Variants in TARS3 observed in about 807,000 individuals in gnomAD.
TARS3 encodes the protein threonyl-tRNA synthetase 3.
TARS3 carries 94 observed loss-of-function variants against 103.5 expected under a neutral mutation model. The observed-to-expected ratio is 0.91, with a 90% CI of 0.77 to 1.08. The LOEUF (loss-of-function observed/expected upper bound fraction) is 1.08. TARS3 is among the 50% of genes least tolerant of loss of function. The pLI is 0.00. For synonymous variants in TARS3, 416 were observed against 355.4 expected (o/e 1.17, Z -1.92); for missense variants, 952 against 995.2 (o/e 0.96, Z 0.58).
chr15:101,699,426 T>C, intron 10 of TARS3: 1 of 456,058 alleles, frequency 2.2e-6, no homozygotes, highest in Non-Finnish European at 4.4e-6. Flanking sequence ...CAGCCACATC[T>C]GTCTTGCATC....
intron 3 of TARS3, among the ~76,000 whole-genome samples, chr15:101,719,316 A>T: frequency 6.6e-6 from 1 of 152,210 alleles, no homozygotes; most frequent in Non-Finnish European, 1.5e-5. Context: ...GCTAGAATAC[A>T]AGTGGTCAGC....
intron 10 of TARS3, among the ~76,000 whole-genome samples, chr15:101,690,083 G>A (rs1170616442): frequency 3.9e-5 from 6 of 152,298 alleles, no homozygotes; most frequent in South Asian, 4.1e-4. Context: ...TCGGCTGATC[G>A]GAGTTTGTGG....
chr15:101,671,998 T>C (rs546180513), intron 13 of TARS3, among the ~76,000 whole-genome samples: 1 of 152,298 alleles, frequency 6.6e-6, no homozygotes, highest in African/African-American at 2.4e-5. Flanking sequence ...TTCCAGTGAA[T>C]TCCAGGTAAG....
intron 10 of TARS3, among the ~76,000 whole-genome samples, chr15:101,696,792 A>G (rs2141422258): frequency 6.6e-6 from 1 of 152,310 alleles, no homozygotes; most frequent in African/African-American, 2.4e-5. Flanking sequence ...ATCAGAAACA[A>G]GCCCTTTTGA....
chr15:101,697,352 G>A (rs1899029959), intron 10 of TARS3, among the ~76,000 whole-genome samples: 1 of 152,154 alleles, frequency 6.6e-6, no homozygotes, highest in Non-Finnish European at 1.5e-5. Context: ...GAAACAGATG[G>A]TGGGTAACAC....
intron 18 of TARS3, chr15:101,655,947 C>T (rs1394521334): frequency 2.3e-6 from 3 of 1,289,226 alleles, no homozygotes; most frequent in African/African-American, 1.5e-5. Context: ...TTTGTTCTCT[C>T]TAGTGACCCA....
Position 101,653,827 on chromosome 15 carries a change from A to C in TARS3, c.*755T>G, listed in dbSNP as rs1051342350. 1 of 152,208 alleles carries C rather than the reference A, an allele frequency of 6.6e-6. No homozygotes were observed. Among genetic ancestry groups the C allele is most frequent in the South Asian group, 2.1e-4 (1 of 4,830 alleles). The allele number at this position is 152,208 out of a possible 1,614,324, so 9.4% of individuals were successfully genotyped here. A position where few individuals can be genotyped will look rare whatever the true frequency, so the allele number is the denominator to read the frequency against. On this transcript the variant is annotated 3_prime_UTR_variant, in exon 19 of 19. Coordinates refer to ENST00000335968, the MANE Select transcript of TARS3 (RefSeq NM_152334.3). ...AGCATTCCTCTCTTTAAAATCTGAA[A>C]TCCATTTCAGTACATAAATCCATGG... is the stretch of plus-strand genomic sequence containing the variant.
intron 15 of TARS3, among the ~76,000 whole-genome samples, chr15:101,662,113 A>T (rs1198463036): frequency 6.6e-6 from 1 of 152,138 alleles, no homozygotes; most frequent in East Asian, 1.9e-4. Context: ...AGCCAATCTC[A>T]TCTGATCCAA....
At chr15:101,683,020 A>C (rs899818521) in intron 12 of TARS3, among the ~76,000 whole-genome samples, 1 of 152,048 alleles carries the variant, frequency 6.6e-6, no homozygotes, top group African/African-American at 2.4e-5. Context: ...TTTTTCCCTC[A>C]TCAGTCTGAC....
chr15:101,695,796 TTGGGAGGC>T (rs1898945090), intron 10 of TARS3: 1 of 152,402 alleles, frequency 6.6e-6, no homozygotes, highest in South Asian at 2.1e-4. Context: ...TCCCAGCTAC[TTGGGAGGC>T]TGAGGCAGGA....
intron 8 of TARS3, among the ~76,000 whole-genome samples, chr15:101,702,951 G>A (rs2141431481): frequency 6.6e-6 from 1 of 152,288 alleles, no homozygotes; most frequent in South Asian, 2.1e-4. Context: ...ACAGAAAGGA[G>A]GGAAGGCTAA....
In TARS3 at chr15:101,675,641, T is replaced by C. The variant is rs1272232557; in HGVS notation, c.1747A>G (p.Asn583Asp). ...CACATCTCAATCTCTCCTAGGAAGT[T>C]TTCCGGCCTTGTTGACAGGTTTAAT... ...FQLNLSTRPE[N>D]FLGEIEMWNE... The change falls in exon 13 of 19, where the codon AAC (asparagine) becomes GAC (aspartate). Residue 583 changes from asparagine (N) to aspartate (D), a missense_variant. Physicochemically the swap from Asn to Asp is conservative, Grantham distance 23 (BLOSUM62 1). Transcript: ENST00000335968. 2 of 1,614,140 alleles carry C rather than the reference T, an allele frequency of 1.2e-6. No individual in the cohort carries two copies. Among genetic ancestry groups the C allele is most frequent in the Non-Finnish European group, 8.5e-7 (1 of 1,180,014 alleles).
At chr15:101,664,557 G>A (rs1194170770) in intron 15 of TARS3, 2 of 152,178 alleles carry the variant, frequency 1.3e-5, no homozygotes, top group African/African-American at 2.4e-5. Flanking sequence ...TAAAGGCTTC[G>A]ATAACTGAAC....
chr15:101,694,333 A>G (rs968358866), intron 10 of TARS3, among the ~76,000 whole-genome samples: 1 of 152,240 alleles, frequency 6.6e-6, no homozygotes, highest in African/African-American at 2.4e-5. Context: ...AGTTCTGAGG[A>G]AAAGGATGCT....
intron 15 of TARS3, among the ~76,000 whole-genome samples, chr15:101,666,170 C>T (rs1171323728): frequency 6.6e-6 from 1 of 152,108 alleles, no homozygotes; most frequent in Non-Finnish European, 1.5e-5. Flanking sequence ...AAATGGATGT[C>T]TCTGTTTTTA....
intron 10 of TARS3, among the ~76,000 whole-genome samples, chr15:101,694,241 G>C (rs1307116600): frequency 6.6e-6 from 1 of 152,164 alleles, no homozygotes; most frequent in Non-Finnish European, 1.5e-5. Flanking sequence ...CAGAAATCCT[G>C]AAATTTCCCT....
chr15:101,701,315 C>T (rs1899263469), intron 9 of TARS3, 131 bp from the exon 10 acceptor site: 3 of 506,266 alleles, frequency 5.9e-6, no homozygotes. Context: ...AACACTTATA[C>T]CTAAATGCAT....
At chr15:101,709,499 C>A (rs1019766567) in intron 5 of TARS3, among the ~76,000 whole-genome samples, 5 of 152,232 alleles carry the variant, frequency 3.3e-5, no homozygotes, top group Non-Finnish European at 7.3e-5. Flanking sequence ...CTTCTCCCTG[C>A]AGATGTCATA....
chr15:101,659,933 G>A (rs879367485), intron 16 of TARS3, among the ~76,000 whole-genome samples: 1 of 152,144 alleles, frequency 6.6e-6, no homozygotes, highest in Non-Finnish European at 1.5e-5. Flanking sequence ...TATGTTTCCT[G>A]CTCAAAAATT....
Sources: gnomAD v4.1 joint callset for allele counts (sites outside exome capture counted in the v4.1 genomes callset) on GRCh38, gnomAD v4.1.1 for gene constraint, MANE v1.5 for transcripts, NCBI Gene and HGNC (gene_info 2026-07-23, HGNC 2026-07-21) for gene names.